RGS17: variants seen among roughly 807,000 people sequenced by gnomAD.
RGS17 encodes regulator of G-protein signaling 17.
In RGS17, 12 loss-of-function variants were observed where a neutral mutation model predicts 25.5. The ratio of observed to expected loss-of-function variants is 0.47; its 90% CI spans 0.30 to 0.76. The LOEUF (loss-of-function observed/expected upper bound fraction) is 0.76, where lower values mean the gene tolerates loss of function less well. RGS17 is among the 30% of genes least tolerant of loss of function. The pLI is 0.07. For synonymous variants in RGS17, 71 were observed against 76.9 expected (o/e 0.92, Z 0.40); for missense variants, 196 against 242.2 (o/e 0.81, Z 1.27).
chr6:153,029,574 CTTTT>C (rs67471007), intron 2 of RGS17, among the ~76,000 whole-genome samples: 1 of 148,456 alleles, frequency 6.7e-6, no homozygotes, highest in Non-Finnish European at 1.5e-5. Context: ...CATAGAGACA[CTTTT>C]TTTTTTCTTT....
At chr6:153,103,048 T>C (rs760364575) in intron 1 of RGS17, among the ~76,000 whole-genome samples, 7 of 152,188 alleles carry the variant, frequency 4.6e-5, no homozygotes, top group Non-Finnish European at 8.8e-5. Context: ...ATAAAGAATA[T>C]GGCTAATGGG....
At chr6:153,074,422 C>G (rs1021955615) in intron 1 of RGS17, among the ~76,000 whole-genome samples, 5 of 152,110 alleles carry the variant, frequency 3.3e-5, no homozygotes, top group African/African-American at 1.2e-4. Context: ...TAGTTTGGGT[C>G]TGCATTCTTA....
At chr6:153,071,118 T>C (rs1296980891) in intron 1 of RGS17, among the ~76,000 whole-genome samples, 1 of 150,022 alleles carries the variant, frequency 6.7e-6, no homozygotes, top group Non-Finnish European at 1.5e-5. Context: ...TATCTTAATA[T>C]ATAAGTACAT....
intron 4 of RGS17, among the ~76,000 whole-genome samples, chr6:153,019,219 TGACA>T (rs1437867153): frequency 1.3e-5 from 2 of 152,228 alleles, no homozygotes; most frequent in African/African-American, 4.8e-5. Flanking sequence ...AGATGGTAAG[TGACA>T]GATGCAGTTT....
chr6:153,130,030 C>T lies in RGS17; in HGVS notation c.-26+1094G>A, dbSNP rs1164614095. On this transcript the variant is annotated intron_variant, in intron 1 of 4. Transcript: ENST00000206262. The surrounding 1 kb of genome is among the most constrained non-coding windows in gnomAD (Gnocchi z 6.4). ...AGCCCAGGGACTCCCGAGGCTGGCG[C>T]GGGCTGCCCGCGACAAGGTGCCAGC... is the stretch of plus-strand genomic sequence containing the variant. Among the ~76,000 whole-genome samples the T allele has an allele frequency of 6.6e-6, 1 of 151,986 alleles. No homozygotes were observed. The highest frequency in any genetic ancestry group is 1.5e-5 in the Non-Finnish European group (1 of 67,946).
intron 1 of RGS17, among the ~76,000 whole-genome samples, chr6:153,063,414 T>C (rs1183072667): frequency 6.6e-6 from 1 of 152,076 alleles, no homozygotes; most frequent in Non-Finnish European, 1.5e-5. Context: ...AAGCAGACAT[T>C]CTGGAGCTGA....
intron 1 of RGS17, among the ~76,000 whole-genome samples, chr6:153,070,730 T>C (rs1776780484): frequency 6.6e-6 from 1 of 150,972 alleles, no homozygotes; most frequent in Non-Finnish European, 1.5e-5. Context: ...CACATATACA[T>C]ATACACATAC....
chr6:153,055,941 T>C (rs1219415144), intron 1 of RGS17, among the ~76,000 whole-genome samples: 1 of 152,092 alleles, frequency 6.6e-6, no homozygotes, highest in Admixed American at 6.6e-5. Flanking sequence ...TAAAACAAAA[T>C]ACAATGTAAA....
intron 1 of RGS17, among the ~76,000 whole-genome samples, chr6:153,121,460 T>A (rs1182012469): frequency 6.6e-6 from 1 of 152,188 alleles, no homozygotes; most frequent in Non-Finnish European, 1.5e-5. Flanking sequence ...CCTCACTGAG[T>A]AACTACATTC....
chr6:153,103,861 A>G (rs1777342045), intron 1 of RGS17, among the ~76,000 whole-genome samples: 1 of 152,230 alleles, frequency 6.6e-6, no homozygotes, highest in Admixed American at 6.5e-5. Flanking sequence ...AAACATCTTA[A>G]AATTGTCAGA....
At chr6:153,108,500 T>C (rs1777417860) in intron 1 of RGS17, among the ~76,000 whole-genome samples, 1 of 151,712 alleles carries the variant, frequency 6.6e-6, no homozygotes, top group Admixed American at 6.6e-5. Context: ...TGAGAAAAAA[T>C]AAGCTCACTT....
At chr6:153,049,533 C>T (rs975031441) in intron 1 of RGS17, among the ~76,000 whole-genome samples, 2 of 151,942 alleles carry the variant, frequency 1.3e-5, no homozygotes, top group Non-Finnish European at 2.9e-5. Flanking sequence ...GGGTGGATCA[C>T]GAGGTCAGGA....
Position 153,024,311 on chromosome 6 carries a change from T to G in RGS17, c.395A>C (p.Lys132Thr). 1 of 1,613,826 alleles carries G rather than the reference T, an allele frequency of 6.2e-7. No homozygotes were observed. Among genetic ancestry groups the G allele is most frequent in the Admixed American group, 1.7e-5 (1 of 59,998 alleles). ...GTAATCTTCATATATCATCCTAGCC[T>G]TTTCTTCAATTACTTTTTTGTTCTG... ...KEQNKKVIEE[K>T]ARMIYEDYIS... Residue 132 changes from lysine (K) to threonine (T), a missense_variant, in exon 4 of 5, where the codon AAG becomes ACG. This residue lies in a region of RGS17 where 179 missense variants were observed against 197.6 expected (regional missense o/e 0.91). Transcript: ENST00000206262.
At chr6:153,049,842 AAACTTACATGGAAGACT>A in intron 1 of RGS17, among the ~76,000 whole-genome samples, 1 of 152,320 alleles carries the variant, frequency 6.6e-6, no homozygotes, top group South Asian at 2.1e-4. Flanking sequence ...ATGAATTCTA[AAACTTACATGGAAGACT>A]GAAGACATGT....
intron 4 of RGS17, among the ~76,000 whole-genome samples, chr6:153,019,144 C>A (rs768105740): frequency 5.9e-5 from 9 of 152,182 alleles, no homozygotes; most frequent in Admixed American, 1.3e-4. Context: ...TTTCCCCATG[C>A]CTTCATTCAT....
intron 1 of RGS17, among the ~76,000 whole-genome samples, chr6:153,106,243 T>C (rs1026407474): frequency 6.6e-6 from 1 of 151,830 alleles, no homozygotes; most frequent in African/African-American, 2.4e-5. Flanking sequence ...GCAGTTTCAA[T>C]GGAAGCGGAC....
chr6:153,051,589 G>A (rs1776462180), intron 1 of RGS17, among the ~76,000 whole-genome samples: 1 of 152,160 alleles, frequency 6.6e-6, no homozygotes, highest in Admixed American at 6.5e-5. Flanking sequence ...TTAGTGTTTT[G>A]TGGAAGTTGG....
In RGS17 at chr6:153,009,241, A is replaced by G. The variant is rs1028022670; in HGVS notation, c.*2333T>C. 1.3e-5 allele frequency: 2 copies of G among 152,136 alleles called. No individual in the cohort carries two copies. Among genetic ancestry groups the G allele is most frequent in the African/African-American group, 2.4e-5 (1 of 41,456 alleles). 9.4% of individuals were successfully genotyped at this position (152,136 alleles called of 1,614,324 possible). The stretch of plus-strand genomic sequence containing the variant: ...CAGGTCACCATCATATATAGTAACA[A>G]CGAGAATATAAAGTCTACATTTAAA... On this transcript the variant is annotated 3_prime_UTR_variant, in exon 5 of 5. Transcript: ENST00000206262.
At chr6:153,051,351 G>A (rs544954657) in intron 1 of RGS17, among the ~76,000 whole-genome samples, 2 of 152,328 alleles carry the variant, frequency 1.3e-5, no homozygotes, top group South Asian at 2.1e-4. Flanking sequence ...AAGAGCTGTA[G>A]AGAAAGCTTC....
Sources: gnomAD v4.1 joint callset for allele counts (sites outside exome capture counted in the v4.1 genomes callset) on GRCh38, gnomAD v4.1.1 for gene constraint, gnomAD v4.1.1 regional missense constraint, Gnocchi (gnomAD v3.1) non-coding constraint, MANE v1.5 for transcripts, NCBI Gene and HGNC (gene_info 2026-07-23, HGNC 2026-07-21) for gene names.